The following IGSF3 variants were observed in gnomAD, a reference collection of about 807,000 sequenced individuals.
The protein encoded by IGSF3 is immunoglobulin superfamily member 3.
In IGSF3, 23 loss-of-function variants were observed where a neutral mutation model predicts 114.4. The ratio of observed to expected loss-of-function variants is 0.20; its 90% CI spans 0.14 to 0.28. The LOEUF is 0.28. Among genes scored for constraint, IGSF3 ranks in the 10% least tolerant of loss-of-function variants. The pLI is 1.00. For synonymous variants in IGSF3, 571 were observed against 645.2 expected (o/e 0.88, Z 1.74); for missense variants, 1,172 against 1,591.5 (o/e 0.74, Z 4.48).
In IGSF3 at chr1:116,586,512, G is replaced by A. The variant is rs149576542; in HGVS notation, c.2441-1460C>T. 4.1e-3 allele frequency among the ~76,000 whole-genome samples: 626 copies of A among 152,274 alleles called. 4 individuals are homozygous for A. Among genetic ancestry groups the A allele is most frequent in the Admixed American group, 7.1e-3 (108 of 15,286 alleles). The stretch of plus-strand genomic sequence containing the variant: ...AAGAAAACAACACAAAGAAAGAAAC[G>A]AGGAAAGCTGTTTTACTCGGTGTCC... On this transcript the variant is annotated intron_variant, in intron 8 of 10. Coordinates refer to ENST00000369486, the MANE Select transcript of IGSF3 (RefSeq NM_001007237.3).
At chr1:116,621,465 T>TC (rs1421133658) in intron 2 of IGSF3, among the ~76,000 whole-genome samples, 1 of 151,884 alleles carries the variant, frequency 6.6e-6, no homozygotes, top group African/African-American at 2.4e-5. Flanking sequence ...CCTGCCCCTT[T>TC]CCCCCCAACA....
intron 2 of IGSF3, among the ~76,000 whole-genome samples, chr1:116,637,006 A>G (rs560774783): frequency 9.2e-5 from 14 of 152,268 alleles, no homozygotes; most frequent in African/African-American, 3.4e-4. Flanking sequence ...ATTTGTAAGG[A>G]AGTTTGCCAG....
rs1660331202 is a variant in IGSF3, at chr1:116,596,147, A to T, written c.2029+3794T>A. Reference sequence around the variant, plus strand: ...GGATCAGCAGGTGGCTCCAGCAGGGACGAGTCTGGGGCACAGACCACAAAG... The same window carrying T: ...GGATCAGCAGGTGGCTCCAGCAGGGTCGAGTCTGGGGCACAGACCACAAAG... On this transcript the variant is annotated intron_variant, in intron 7 of 10. Coordinates refer to ENST00000369486, the MANE Select transcript of IGSF3 (RefSeq NM_001007237.3). This position sits in a 1 kb window ranked among gnomAD's most constrained non-coding sequence, Gnocchi z 4.1. Among the ~76,000 whole-genome samples the T allele has an allele frequency of 6.6e-6, 1 of 152,260 alleles. No homozygotes were observed. The highest frequency in any genetic ancestry group is 2.4e-5 in the African/African-American group (1 of 41,474).
chr1:116,604,347 T>A (rs1017495290), intron 5 of IGSF3, among the ~76,000 whole-genome samples: 2 of 152,198 alleles, frequency 1.3e-5, no homozygotes, highest in African/African-American at 4.8e-5. Context: ...AACAATTTAT[T>A]GGGTAATCTA....
rs1311842134 is a variant in IGSF3, at chr1:116,588,207, G to C, written c.2440+487C>G. Among the ~76,000 whole-genome samples, 1 of 152,180 alleles carries C rather than the reference G, an allele frequency of 6.6e-6. No homozygotes were observed. Among genetic ancestry groups the C allele is most frequent in the African/African-American group, 2.4e-5 (1 of 41,450 alleles). On this transcript the variant is annotated intron_variant, in intron 8 of 10. Coordinates refer to ENST00000369486, the MANE Select transcript of IGSF3 (RefSeq NM_001007237.3). The surrounding 1 kb of genome is among the most constrained non-coding windows in gnomAD (Gnocchi z 4.9). Reference sequence around the variant, plus strand: ...ACACCATGGGATCAAGGAAGGGCCAGAGGAGGAATGATTCAGTTTGGAGAT... The same window carrying C: ...ACACCATGGGATCAAGGAAGGGCCACAGGAGGAATGATTCAGTTTGGAGAT...
chr1:116,639,989 G>A (rs1215845124), intron 2 of IGSF3, among the ~76,000 whole-genome samples: 3 of 144,156 alleles, frequency 2.1e-5, no homozygotes, highest in Non-Finnish European at 3.0e-5. Context: ...GCAATGAGCC[G>A]AGATGGCACC....
rs571038765 is a variant in IGSF3, at chr1:116,662,076, C to CT, written c.43+4207dup. Among the ~76,000 whole-genome samples the CT allele has an allele frequency of 1.6e-3, 238 of 144,522 alleles. 3 individuals are homozygous for CT. In the South Asian group the frequency reaches 0.022, roughly 13 times the overall value. The allele number at this position is 144,522 out of a possible 152,430, so 94.8% of individuals were successfully genotyped here. On this transcript the variant is annotated intron_variant, in intron 2 of 10. Transcript: ENST00000369486. The surrounding 1 kb of genome is among the most constrained non-coding windows in gnomAD (Gnocchi z 4.3). ...AGCAATCTATCTTAGGCAAGTGACT[C>CT]TTTTTTTTTTTTTGAGACAGAGTTT...
intron 2 of IGSF3, among the ~76,000 whole-genome samples, chr1:116,646,417 A>C (rs527237582): frequency 2.0e-5 from 3 of 152,204 alleles, no homozygotes; most frequent in Non-Finnish European, 4.4e-5. Flanking sequence ...TAATTGTGCC[A>C]GTTCTTTTTG....
rs1438530119 is a variant in IGSF3, at chr1:116,638,771, C to T, written c.44-22314G>A. On this transcript the variant is annotated intron_variant, in intron 2 of 10. Transcript: ENST00000369486. This position sits in a 1 kb window ranked among gnomAD's most constrained non-coding sequence, Gnocchi z 4.1. ...AGCTAACTCCTACAGCAGAGTCTTG[C>T]CAGGCCCTCCCCTAATTGCTCTATA... Among the ~76,000 whole-genome samples the T allele has an allele frequency of 6.6e-6, 1 of 152,184 alleles. No homozygotes were observed. The highest frequency in any genetic ancestry group is 1.5e-5 in the Non-Finnish European group (1 of 68,026).
Position 116,610,327 on chromosome 1 carries a change from T to C in IGSF3, c.833-1996A>G, listed in dbSNP as rs1427066516. ...AGGTTAGCCTGGCTGTAACTCTGGC[T>C]TTCTTCTTTCGGCGGCCAAAGACTC... On this transcript the variant is annotated intron_variant, in intron 4 of 10. Coordinates refer to ENST00000369486, the MANE Select transcript of IGSF3 (RefSeq NM_001007237.3). The surrounding 1 kb of genome is among the most constrained non-coding windows in gnomAD (Gnocchi z 4.3). Among the ~76,000 whole-genome samples, 2 of 152,190 alleles carry C rather than the reference T, an allele frequency of 1.3e-5. No individual in the cohort carries two copies. The highest frequency in any genetic ancestry group is 2.9e-5 in the Non-Finnish European group (2 of 68,042).
In IGSF3 at chr1:116,585,392, G is replaced by A. The variant is rs1369996171; in HGVS notation, c.2441-340C>T. Among the ~76,000 whole-genome samples the A allele has an allele frequency of 6.6e-6, 1 of 152,194 alleles. No homozygotes were observed. The highest frequency in any genetic ancestry group is 6.5e-5 in the Admixed American group (1 of 15,280). The stretch of plus-strand genomic sequence containing the variant: ...CAAAACATGTCGCTGGCCGGGGCAG[G>A]TGGCTGGGAAGGGCGGGGGAAGGGG... On this transcript the variant is annotated intron_variant, in intron 8 of 10. Coordinates refer to ENST00000369486, the MANE Select transcript of IGSF3 (RefSeq NM_001007237.3). This position sits in a 1 kb window ranked among gnomAD's most constrained non-coding sequence, Gnocchi z 4.9.
In IGSF3 at chr1:116,628,699, C is replaced by T. The variant is rs537602991; in HGVS notation, c.44-12242G>A. 2.0e-5 allele frequency among the ~76,000 whole-genome samples: 3 copies of T among 152,296 alleles called. No individual in the cohort carries two copies. The highest frequency in any genetic ancestry group is 1.9e-4 in the East Asian group (1 of 5,188). ...CTGCTTCTGGGGGTTTTCCCAAGCA[C>T]GTGTTACGTATGATAATAATGGATG... On this transcript the variant is annotated intron_variant, in intron 2 of 10. Transcript: ENST00000369486. The surrounding 1 kb of genome is among the most constrained non-coding windows in gnomAD (Gnocchi z 4.2).
rs1660227353 is a variant in IGSF3, at chr1:116,593,830, G to A, written c.2030-4726C>T. ...GGCAGCTAATTGCAAGCAGGTCTCT[G>A]GTTGCCATATTGATTTGGGGAGGGG... On this transcript the variant is annotated intron_variant, in intron 7 of 10. Transcript: ENST00000369486. This position sits in a 1 kb window ranked among gnomAD's most constrained non-coding sequence, Gnocchi z 4.5. Among the ~76,000 whole-genome samples the A allele has an allele frequency of 6.6e-6, 1 of 152,116 alleles. No individual in the cohort carries two copies. Among genetic ancestry groups the A allele is most frequent in the African/African-American group, 2.4e-5 (1 of 41,420 alleles).
In IGSF3 at chr1:116,603,191, T is replaced by G. The variant is rs901406813; in HGVS notation, c.1624+433A>C. ...GCTCTCTTTCAGGAAGGCTGGCCCC[T>G]GGGCAGCAGGGCAGGAAAGACATGC... On this transcript the variant is annotated intron_variant, in intron 6 of 10. Transcript: ENST00000369486. This position sits in a 1 kb window ranked among gnomAD's most constrained non-coding sequence, Gnocchi z 7.1. Among the ~76,000 whole-genome samples, 3 of 152,240 alleles carry G rather than the reference T, an allele frequency of 2.0e-5. No individual in the cohort carries two copies. Among genetic ancestry groups the G allele is most frequent in the African/African-American group, 7.2e-5 (3 of 41,456 alleles).
rs543616501 is a variant in IGSF3, at chr1:116,593,250, A to G, written c.2030-4146T>C. Among the ~76,000 whole-genome samples the G allele has an allele frequency of 5.9e-5, 9 of 152,306 alleles. No individual in the cohort carries two copies. Among genetic ancestry groups the G allele is most frequent in the South Asian group, 2.1e-4 (1 of 4,826 alleles). On this transcript the variant is annotated intron_variant, in intron 7 of 10. Coordinates refer to ENST00000369486, the MANE Select transcript of IGSF3 (RefSeq NM_001007237.3). The surrounding 1 kb of genome is among the most constrained non-coding windows in gnomAD (Gnocchi z 4.5). ...AACCTGCAGTCTCATGAGCCCTCCA[A>G]TTGATTCTGATGCACATTCAAGTTT...
rs1324671484 is a variant in IGSF3 at position 116,588,407 on chromosome 1, T to G, written c.2440+287A>C. On this transcript the variant is annotated intron_variant, in intron 8 of 10. Coordinates refer to ENST00000369486, the MANE Select transcript of IGSF3 (RefSeq NM_001007237.3). This position sits in a 1 kb window ranked among gnomAD's most constrained non-coding sequence, Gnocchi z 4.9. ...TTCAGGAGCTGCCATGAACCCTGCCTTGCCACATTTTGCTAACCACAGCTG... is the reference window on the plus strand; with the variant it reads ...TTCAGGAGCTGCCATGAACCCTGCCGTGCCACATTTTGCTAACCACAGCTG... Among the ~76,000 whole-genome samples, 1 of 152,174 alleles carries G rather than the reference T, an allele frequency of 6.6e-6. No homozygotes were observed. Among genetic ancestry groups the G allele is most frequent in the African/African-American group, 2.4e-5 (1 of 41,424 alleles).
In IGSF3 at chr1:116,596,891, C is replaced by G. The variant is rs1475797870; in HGVS notation, c.2029+3050G>C. ...TTAAGAAACGAGGAACCAAAGCATT[C>G]ACAGTGGTTTACAAGAAATGCTCAG... On this transcript the variant is annotated intron_variant, in intron 7 of 10. Coordinates refer to ENST00000369486, the MANE Select transcript of IGSF3 (RefSeq NM_001007237.3). This position sits in a 1 kb window ranked among gnomAD's most constrained non-coding sequence, Gnocchi z 4.1. 6.6e-6 allele frequency among the ~76,000 whole-genome samples: 1 copy of G among 152,192 alleles called. No individual in the cohort carries two copies. Among genetic ancestry groups the G allele is most frequent in the African/African-American group, 2.4e-5 (1 of 41,442 alleles).
rs1659286985 is a variant in IGSF3 at position 116,575,098 on chromosome 1, C to T, written c.*2214G>A. On this transcript the variant is annotated 3_prime_UTR_variant, in exon 11 of 11. Coordinates refer to ENST00000369486, the MANE Select transcript of IGSF3 (RefSeq NM_001007237.3). The surrounding 1 kb of genome is among the most constrained non-coding windows in gnomAD (Gnocchi z 5.6). ...TTACACATCCTAGTCCCAGCCAGCGCTCTGGCAACCTCCCATTTAGACAGA... is the reference window on the plus strand; with the variant it reads ...TTACACATCCTAGTCCCAGCCAGCGTTCTGGCAACCTCCCATTTAGACAGA... The T allele has an allele frequency of 6.6e-6, 1 of 152,612 alleles. No homozygotes were observed. The highest frequency in any genetic ancestry group is 1.5e-5 in the Non-Finnish European group (1 of 68,044). The allele number at this position is 152,612 out of a possible 1,614,324, so 9.5% of individuals were successfully genotyped here. A position where few individuals can be genotyped will look rare whatever the true frequency, so the allele number is the denominator to read the frequency against.
At position 116,661,300 on chromosome 1, in the gene IGSF3, A is replaced by T. The variant is rs1571200101; in HGVS notation, c.43+4984T>A. ...AGTGTGAGACTCCATCTCAAAAAAA[A>T]TAAAATAACTGAACACCTGCTTACT... On this transcript the variant is annotated intron_variant, in intron 2 of 10. Coordinates refer to ENST00000369486, the MANE Select transcript of IGSF3 (RefSeq NM_001007237.3). This position sits in a 1 kb window ranked among gnomAD's most constrained non-coding sequence, Gnocchi z 4.0. Among the ~76,000 whole-genome samples the T allele has an allele frequency of 6.7e-6, 1 of 149,796 alleles. No individual in the cohort carries two copies. Among genetic ancestry groups the T allele is most frequent in the East Asian group, 1.9e-4 (1 of 5,186 alleles).
Sources: gnomAD v4.1 joint callset for allele counts (sites outside exome capture counted in the v4.1 genomes callset) on GRCh38, gnomAD v4.1.1 for gene constraint, Gnocchi (gnomAD v3.1) non-coding constraint, MANE v1.5 for transcripts, NCBI Gene and HGNC (gene_info 2026-07-23, HGNC 2026-07-21) for gene names.